METTL15: variants seen among roughly 807,000 people sequenced by gnomAD.
METTL15 encodes methyltransferase 15, mitochondrial 12S rRNA N4-cytidine.
Under a neutral mutation model 38.3 loss-of-function variants are expected in METTL15, and 34 were observed. The ratio of observed to expected loss-of-function variants is 0.89; its 90% CI spans 0.68 to 1.18. METTL15 has a LOEUF of 1.18. Among genes scored for constraint, METTL15 ranks in the 50% most tolerant of loss-of-function variants. The probability of loss-of-function intolerance (pLI) is 0.00; values close to 1 mark genes in which losing one functional copy is unlikely to be tolerated. For synonymous variants in METTL15, 162 were observed against 170.9 expected, an observed-to-expected ratio of 0.95 and a Z score of 0.41; for missense variants, 438 against 498.4, an observed-to-expected ratio of 0.88 and a Z score of 1.15.
intron 6 of METTL15, among the ~76,000 whole-genome samples, chr11:28,299,196 T>G (rs1856835189): frequency 6.6e-6 from 1 of 152,166 alleles, no homozygotes; most frequent in Non-Finnish European, 1.5e-5. Context: ...AAGTTGATTC[T>G]TAACAAACCA....
chr11:28,193,994 G>T (rs1235864295), intron 3 of METTL15, among the ~76,000 whole-genome samples: 2 of 151,660 alleles, frequency 1.3e-5, no homozygotes, highest in Non-Finnish European at 2.9e-5. Flanking sequence ...GTTCAAGGTT[G>T]CCCACAATAC....
intron 4 of METTL15, 25 bp from the exon 5 acceptor site, chr11:28,290,181 C>T (rs758406476): frequency 1.3e-6 from 2 of 1,570,666 alleles, no homozygotes; most frequent in African/African-American, 2.7e-5. Context: ...GAAGTGTTTT[C>T]TCTATCTCCT....
intron 5 of METTL15, among the ~76,000 whole-genome samples, chr11:28,369,006 G>T (rs886590449): frequency 6.6e-6 from 1 of 151,966 alleles, no homozygotes; most frequent in African/African-American, 2.4e-5. Context: ...CTGTCAGAGG[G>T]TGGGGAGCTA....
At chr11:28,413,422 C>A (rs1405387225) in intron 5 of METTL15, among the ~76,000 whole-genome samples, 1 of 151,996 alleles carries the variant, frequency 6.6e-6, no homozygotes, top group East Asian at 1.9e-4. Flanking sequence ...GATTTATATT[C>A]GTTTCCTGCG....
At chr11:28,362,989 T>C (rs141377338) in intron 5 of METTL15, among the ~76,000 whole-genome samples, 29 of 152,330 alleles carry the variant, frequency 1.9e-4, no homozygotes, top group Middle Eastern at 3.4e-3. Context: ...GTATAAACTT[T>C]CCCTTTTCTT....
chr11:28,411,147 A>C (rs191673936), intron 5 of METTL15, among the ~76,000 whole-genome samples: 1 of 152,184 alleles, frequency 6.6e-6, no homozygotes, highest in African/African-American at 2.4e-5. Flanking sequence ...AAGAAGAATT[A>C]ATATTGTTAA....
At chr11:28,317,531 T>C (rs1407971290) in intron 6 of METTL15, among the ~76,000 whole-genome samples, 1 of 152,168 alleles carries the variant, frequency 6.6e-6, no homozygotes, top group African/African-American at 2.4e-5. Context: ...CACAGCACGA[T>C]GCTAATTTCA....
At chr11:28,227,135 C>G (rs1853512756) in intron 4 of METTL15, among the ~76,000 whole-genome samples, 2 of 151,696 alleles carry the variant, frequency 1.3e-5, no homozygotes, top group African/African-American at 4.8e-5. Flanking sequence ...TCTAGTCTAC[C>G]AAACATAGTT....
intron 3 of METTL15, among the ~76,000 whole-genome samples, chr11:28,175,639 G>T (rs898952567): frequency 6.6e-6 from 1 of 152,040 alleles, no homozygotes; most frequent in African/African-American, 2.4e-5. Context: ...CTCAGTAAAT[G>T]GTATGAGCAC....
intron 6 of METTL15, among the ~76,000 whole-genome samples, chr11:28,435,081 G>A (rs918395063): frequency 2.0e-5 from 3 of 152,150 alleles, no homozygotes; most frequent in Non-Finnish European, 4.4e-5. Flanking sequence ...CCCCTAATTT[G>A]CTCAATCTTC....
At chr11:28,184,712 G>A (rs959442480) in intron 3 of METTL15, among the ~76,000 whole-genome samples, 7 of 151,452 alleles carry the variant, frequency 4.6e-5, no homozygotes, top group Non-Finnish European at 7.4e-5. Context: ...TAAAGTTAAT[G>A]CTATGTTAAT....
intron 5 of METTL15, among the ~76,000 whole-genome samples, chr11:28,295,599 T>C (rs1856701934): frequency 6.9e-6 from 1 of 144,920 alleles, no homozygotes; most frequent in Non-Finnish European, 1.5e-5. Context: ...AAACTTCGTC[T>C]CAAAAAAAAA....
chr11:28,151,661 T>C (rs1850094581), intron 3 of METTL15, among the ~76,000 whole-genome samples: 1 of 152,062 alleles, frequency 6.6e-6, no homozygotes, highest in South Asian at 2.1e-4. Context: ...ATTACACTTT[T>C]TGTAATTGTC....
chr11:28,445,827 A>AT (rs1851070734), intron 6 of METTL15, among the ~76,000 whole-genome samples: 2 of 151,570 alleles, frequency 1.3e-5, no homozygotes, highest in African/African-American at 2.4e-5. Flanking sequence ...AATTTTTTAT[A>AT]TTTTTTGTAG....
intron 5 of METTL15, among the ~76,000 whole-genome samples, chr11:28,370,388 A>G (rs1024637808): frequency 4.0e-5 from 6 of 151,862 alleles, no homozygotes; most frequent in Non-Finnish European, 8.8e-5. Flanking sequence ...AAATGACAGG[A>G]TTTTATTCTT....
chr11:28,450,882 T>G (rs1001850557), intron 6 of METTL15, among the ~76,000 whole-genome samples: 11 of 152,170 alleles, frequency 7.2e-5, no homozygotes, highest in Non-Finnish European at 1.3e-4. Context: ...CTATTCAGTA[T>G]TTTCATTATA....
chr11:28,357,725 A>C (rs1023039851), intron 4 of METTL15, among the ~76,000 whole-genome samples: 2 of 152,176 alleles, frequency 1.3e-5, no homozygotes, highest in African/African-American at 4.8e-5. Flanking sequence ...GACTTTAATG[A>C]AAGCAAACTA....
chr11:28,389,695 T>A (rs1304745743), intron 5 of METTL15, among the ~76,000 whole-genome samples: 1 of 151,864 alleles, frequency 6.6e-6, no homozygotes, highest in Non-Finnish European at 1.5e-5. Flanking sequence ...TAAACATACG[T>A]GTGCATGTGT....
At chr11:28,296,627 A>G in intron 5 of METTL15, 126 bp from the exon 6 acceptor site, 1 of 926,530 alleles carries the variant, frequency 1.1e-6, no homozygotes. Flanking sequence ...TCAGTTTCTG[A>G]CTTTAAAACC....
Sources: gnomAD v4.1 joint callset for allele counts (sites outside exome capture counted in the v4.1 genomes callset) on GRCh38, gnomAD v4.1.1 for gene constraint, MANE v1.5 for transcripts, NCBI Gene and HGNC (gene_info 2026-07-23, HGNC 2026-07-21) for gene names.